FBXL7: variants seen among roughly 807,000 people sequenced by gnomAD.
FBXL7 encodes F-box/LRR-repeat protein 7.
In FBXL7, 12 loss-of-function variants were observed where a neutral mutation model predicts 38.3. The observed-to-expected ratio is 0.31, with a 90% CI of 0.20 to 0.51. The LOEUF (loss-of-function observed/expected upper bound fraction) is 0.51. Ranked by LOEUF, FBXL7 falls within the 20% of genes least tolerant of loss-of-function variation. The pLI is 0.98. For missense variants in FBXL7, 567 were observed against 676.4 expected (o/e 0.84, Z 1.79); for synonymous variants, 297 against 300.9 (o/e 0.99, Z 0.13).
At chr5:15,677,606 T>C (rs2126605888) in intron 2 of FBXL7, among the ~76,000 whole-genome samples, 1 of 152,086 alleles carries the variant, frequency 6.6e-6, no homozygotes, top group Non-Finnish European at 1.5e-5. Context: ...TCAACAGAAG[T>C]TGTAAAAGGT....
chr5:15,669,954 G>A lies in FBXL7; in HGVS notation c.127+53882G>A, dbSNP rs536361922. Among the ~76,000 whole-genome samples the A allele has an allele frequency of 1.7e-3, 253 of 152,220 alleles. 1 individual carries two copies. Among genetic ancestry groups the A allele is most frequent in the South Asian group, 4.0e-3 (19 of 4,810 alleles). On this transcript the variant is annotated intron_variant, in intron 2 of 3. Coordinates refer to ENST00000504595, the MANE Select transcript of FBXL7 (RefSeq NM_012304.5). ...TGAGTGGAAGTGATGTGTCACTTCC[G>A]GGTGGAAGCTTTCAGAGACATCATT...
At chr5:15,902,844 G>A (rs1741262835) in intron 2 of FBXL7, among the ~76,000 whole-genome samples, 1 of 152,226 alleles carries the variant, frequency 6.6e-6, no homozygotes, top group Admixed American at 6.5e-5. Flanking sequence ...CTTTCTAGGT[G>A]AGCACAGTGC....
At chr5:15,589,282 C>T (rs1349288809) in intron 1 of FBXL7, among the ~76,000 whole-genome samples, 1 of 151,830 alleles carries the variant, frequency 6.6e-6, no homozygotes, top group Non-Finnish European at 1.5e-5. Context: ...TTGTAATCCC[C>T]AATGTTGGAG....
At chr5:15,602,393 G>C (rs777220757) in intron 1 of FBXL7, 1 of 151,964 alleles carries the variant, frequency 6.6e-6, no homozygotes, top group Non-Finnish European at 1.5e-5. Context: ...ATTAGAACAT[G>C]TTATGGACCA....
At chr5:15,742,423 A>G (rs1735915319) in intron 2 of FBXL7, among the ~76,000 whole-genome samples, 1 of 152,218 alleles carries the variant, frequency 6.6e-6, no homozygotes, top group African/African-American at 2.4e-5. Flanking sequence ...CAGCTGAAGA[A>G]CGAATCTTAT....
At chr5:15,695,781 T>C (rs17704245) in intron 2 of FBXL7, among the ~76,000 whole-genome samples, 8,109 of 152,206 alleles carry the variant, frequency 0.053, 237 homozygotes, top group East Asian at 0.084. Context: ...AAAGTTAGAG[T>C]TGGGATTCAA....
intron 1 of FBXL7, among the ~76,000 whole-genome samples, chr5:15,589,951 T>G (rs2126479002): frequency 6.6e-6 from 1 of 152,342 alleles, no homozygotes; most frequent in South Asian, 2.1e-4. Flanking sequence ...TTGCCTTCAC[T>G]TGATCCTCTG....
chr5:15,591,428 CAAA>C (rs199519096), intron 1 of FBXL7, among the ~76,000 whole-genome samples: 2 of 99,090 alleles, frequency 2.0e-5, no homozygotes, highest in Non-Finnish European at 4.1e-5. Context: ...GACTCTGTCT[CAAA>C]AAAAAAAAAA....
intron 2 of FBXL7, among the ~76,000 whole-genome samples, chr5:15,863,850 C>T (rs1739588362): frequency 6.6e-6 from 1 of 152,144 alleles, no homozygotes; most frequent in African/African-American, 2.4e-5. Context: ...TCCTCCTCGC[C>T]TTCCACCATG....
chr5:15,504,347 T>C (rs1736586302), intron 1 of FBXL7, among the ~76,000 whole-genome samples: 1 of 152,216 alleles, frequency 6.6e-6, no homozygotes, highest in South Asian at 2.1e-4. Flanking sequence ...GTTAAGACTG[T>C]TATTACCAAG....
chr5:15,879,705 C>T (rs1047492771), intron 2 of FBXL7, among the ~76,000 whole-genome samples: 2 of 152,092 alleles, frequency 1.3e-5, no homozygotes, highest in African/African-American at 4.8e-5. Context: ...ATCTTCAGCT[C>T]GATTTCAGAT....
chr5:15,690,462 A>G (rs1290890801), intron 2 of FBXL7, among the ~76,000 whole-genome samples: 1 of 152,246 alleles, frequency 6.6e-6, no homozygotes, highest in East Asian at 1.9e-4. Flanking sequence ...ATGTTTCAGT[A>G]CATGTATACT....
intron 2 of FBXL7, among the ~76,000 whole-genome samples, chr5:15,903,901 AT>A (rs1741292768): frequency 6.6e-6 from 1 of 152,148 alleles, no homozygotes; most frequent in Non-Finnish European, 1.5e-5. Flanking sequence ...ATTGTAGTTA[AT>A]GGCTTTCTTT....
At chr5:15,644,555 A>G (rs1741471163) in intron 2 of FBXL7, among the ~76,000 whole-genome samples, 1 of 150,426 alleles carries the variant, frequency 6.6e-6, no homozygotes. Flanking sequence ...AGAGAGAGAG[A>G]AGGGGTACTT....
chr5:15,611,414 A>C (rs1740231936), intron 1 of FBXL7, among the ~76,000 whole-genome samples: 1 of 151,676 alleles, frequency 6.6e-6, no homozygotes, highest in Non-Finnish European at 1.5e-5. Context: ...TAAGTGCAAG[A>C]GGGCTGTGAT....
chr5:15,536,592 G>T (rs1015032044), intron 1 of FBXL7, among the ~76,000 whole-genome samples: 2 of 152,122 alleles, frequency 1.3e-5, no homozygotes, highest in African/African-American at 4.8e-5. Context: ...CCTTTGTTTT[G>T]CCCAGTTTGT....
chr5:15,590,428 A>C (rs1222496522), intron 1 of FBXL7, among the ~76,000 whole-genome samples: 1 of 151,780 alleles, frequency 6.6e-6, no homozygotes, highest in Non-Finnish European at 1.5e-5. Context: ...ATAATCCTTC[A>C]AAGATTCCTC....
At chr5:15,788,163 G>A (rs1737179908) in intron 2 of FBXL7, among the ~76,000 whole-genome samples, 1 of 152,030 alleles carries the variant, frequency 6.6e-6, no homozygotes, top group Admixed American at 6.6e-5. Flanking sequence ...TTGGATGGAG[G>A]GCCCAACGCA....
chr5:15,544,906 T>G (rs1737858280), intron 1 of FBXL7, among the ~76,000 whole-genome samples: 2 of 152,234 alleles, frequency 1.3e-5, no homozygotes, highest in Non-Finnish European at 2.9e-5. Flanking sequence ...AGCAGATTAT[T>G]ACATATCTCC....
Sources: gnomAD v4.1 joint callset for allele counts (sites outside exome capture counted in the v4.1 genomes callset) on GRCh38, gnomAD v4.1.1 for gene constraint, MANE v1.5 for transcripts, NCBI Gene and HGNC (gene_info 2026-07-23, HGNC 2026-07-21) for gene names.